DNAH11: variants seen among roughly 807,000 people sequenced by gnomAD.
DNAH11 encodes dynein axonemal heavy chain 11, also known as axonemal beta dynein heavy chain 11.
DNAH11 carries 442 observed loss-of-function variants against 526.0 expected under a neutral mutation model. The observed-to-expected ratio is 0.84, with a 90% CI of 0.78 to 0.91. DNAH11 has a LOEUF of 0.91. DNAH11 is among the 40% of genes least tolerant of loss of function. The pLI is 0.00. For synonymous variants in DNAH11, 2,461 were observed against 1,935.9 expected, an observed-to-expected ratio of 1.27 and a Z score of -7.12; for missense variants, 6,989 against 5,448.7, an observed-to-expected ratio of 1.28 and a Z score of -8.90.
At chr7:21,814,887 A>G (rs1789707160) in intron 63 of DNAH11, among the ~76,000 whole-genome samples, 2 of 152,158 alleles carry the variant, frequency 1.3e-5, no homozygotes, top group Non-Finnish European at 2.9e-5. Context: ...TTATGAAAAA[A>G]ATTCTGTATG....
intron 54 of DNAH11, among the ~76,000 whole-genome samples, chr7:21,762,631 G>A (rs985468536): frequency 5.3e-5 from 8 of 152,234 alleles, no homozygotes; most frequent in Admixed American, 6.5e-5. Context: ...CAATTATTTC[G>A]TTTGTAACTA....
intron 31 of DNAH11, among the ~76,000 whole-genome samples, chr7:21,682,691 A>G (rs749326976): frequency 6.6e-6 from 1 of 152,190 alleles, no homozygotes; most frequent in Non-Finnish European, 1.5e-5. Context: ...GTATTAAAAC[A>G]AGGCAATTCC....
chr7:21,588,688 AT>A, intron 11 of DNAH11, 52 bp downstream of exon 11: 2 of 1,583,846 alleles, frequency 1.3e-6, no homozygotes, highest in Non-Finnish European at 1.7e-6. Context: ...TACGGGTGAC[AT>A]TTTATATAAG....
At chr7:21,669,020 GAT>G (rs1562741394) in intron 30 of DNAH11, among the ~76,000 whole-genome samples, 1 of 152,126 alleles carries the variant, frequency 6.6e-6, no homozygotes, top group African/African-American at 2.4e-5. Flanking sequence ...CATTTCAGTG[GAT>G]ATAAAATAGT....
At chr7:21,615,911 T>G (rs1031201594) in intron 21 of DNAH11, among the ~76,000 whole-genome samples, 1 of 152,220 alleles carries the variant, frequency 6.6e-6, no homozygotes, top group African/African-American at 2.4e-5. Flanking sequence ...TATTTAATAA[T>G]CTACTTATCA....
chr7:21,759,491 G>A (rs954177259), intron 54 of DNAH11, among the ~76,000 whole-genome samples: 3 of 152,162 alleles, frequency 2.0e-5, no homozygotes, highest in African/African-American at 4.8e-5. Flanking sequence ...AAGTGACACC[G>A]AAGCAGTCAA....
chr7:21,574,147 A>G (rs577377067), intron 8 of DNAH11, among the ~76,000 whole-genome samples: 1 of 152,324 alleles, frequency 6.6e-6, no homozygotes, highest in Non-Finnish European at 1.5e-5. Context: ...AGTTATGGGA[A>G]GAGACTTGCT....
intron 75 of DNAH11, 132 bp from the exon 76 acceptor site, chr7:21,884,159 T>G: frequency 1.5e-6 from 1 of 686,554 alleles, no homozygotes; most frequent in Non-Finnish European, 2.1e-6. Context: ...AGACAATTTC[T>G]GAAGCACCTT....
chr7:21,788,563 C>G (rs1460261768), intron 60 of DNAH11, among the ~76,000 whole-genome samples: 1 of 152,064 alleles, frequency 6.6e-6, no homozygotes, highest in East Asian at 1.9e-4. Context: ...AATTTAATTT[C>G]CTTCCTCTCT....
rs746194866 is a variant in DNAH11, at chr7:21,601,074, G to A, written c.3320G>A (p.Ser1107Asn). Reference sequence around the variant, plus strand: ...TTTGAGGACTTTAGAGTGTTTGATAGTTGGTTCAAGGTGGACATGAAGCCT... The same window carrying A: ...TTTGAGGACTTTAGAGTGTTTGATAATTGGTTCAAGGTGGACATGAAGCCT... ...SKFEDFRVFD[S>N]WFKVDMKPFK... Residue 1107 changes from serine to asparagine, a missense_variant, in exon 17 of 82, where the codon AGT becomes AAT. Transcript: ENST00000409508. 1.9e-6 allele frequency: 3 copies of A among 1,611,720 alleles called. No individual in the cohort carries two copies. The highest frequency in any genetic ancestry group is 2.5e-6 in the Non-Finnish European group (3 of 1,179,518).
At chr7:21,794,299 T>C (rs1355400516) in intron 61 of DNAH11, among the ~76,000 whole-genome samples, 2 of 152,222 alleles carry the variant, frequency 1.3e-5, no homozygotes, top group Non-Finnish European at 2.9e-5. Context: ...TGTTTGCTGC[T>C]GTCTCTTGTG....
intron 30 of DNAH11, among the ~76,000 whole-genome samples, chr7:21,666,338 T>C (rs1273657008): frequency 6.6e-6 from 1 of 152,086 alleles, no homozygotes; most frequent in Non-Finnish European, 1.5e-5. Context: ...AAGTGTTTTG[T>C]TTTGGAGGCT....
intron 65 of DNAH11, among the ~76,000 whole-genome samples, chr7:21,828,930 G>T (rs1442814428): frequency 6.6e-6 from 1 of 151,952 alleles, no homozygotes; most frequent in Non-Finnish European, 1.5e-5. Flanking sequence ...TCTATTCAGG[G>T]TTTTCTTTCC....
chr7:21,607,631 A>G (rs1423234024), intron 20 of DNAH11, among the ~76,000 whole-genome samples: 1 of 151,672 alleles, frequency 6.6e-6, no homozygotes, highest in Admixed American at 6.6e-5. Context: ...TTCCTCTTTC[A>G]ATTAAAAAAA....
chr7:21,874,518 T>C (rs1242403261), intron 74 of DNAH11, among the ~76,000 whole-genome samples: 3 of 151,982 alleles, frequency 2.0e-5, no homozygotes, highest in Non-Finnish European at 2.9e-5. Context: ...GTATTTTTAG[T>C]AGAGACAGGG....
intron 30 of DNAH11, among the ~76,000 whole-genome samples, chr7:21,676,694 C>T (rs1385386014): frequency 6.6e-6 from 1 of 152,120 alleles, no homozygotes; most frequent in Non-Finnish European, 1.5e-5. Flanking sequence ...CAAGACAATG[C>T]GTGTGAATGC....
chr7:21,616,090 A>T, intron 21 of DNAH11, 119 bp from the exon 22 acceptor site: 1 of 754,446 alleles, frequency 1.3e-6, no homozygotes, highest in South Asian at 2.0e-5. Context: ...TTAATATTTT[A>T]AAAATTGACT....
chr7:21,735,214 A>G (rs558049609), intron 45 of DNAH11, among the ~76,000 whole-genome samples: 3 of 152,316 alleles, frequency 2.0e-5, no homozygotes, highest in African/African-American at 7.2e-5. Context: ...CCCGATTTTC[A>G]TTTGTGTGTG....
Position 21,710,537 on chromosome 7 carries a change from C to G in DNAH11, c.6684-16C>G, listed in dbSNP as rs1784420760. 1 of 1,581,070 alleles carries G rather than the reference C, an allele frequency of 6.3e-7. No individual in the cohort carries two copies. Among genetic ancestry groups the G allele is most frequent in the African/African-American group, 1.4e-5 (1 of 73,662 alleles). On this transcript the variant is annotated splice_polypyrimidine_tract_variant and intron_variant, in intron 40 of 81. Coordinates refer to ENST00000409508, the MANE Select transcript of DNAH11 (RefSeq NM_001277115.2). Reference sequence around the variant, plus strand: ...TATCGTAGAAATAAACAGCACTCAACTACATTATATATTAGGATTGTTTAC... The same window carrying G: ...TATCGTAGAAATAAACAGCACTCAAGTACATTATATATTAGGATTGTTTAC...
Sources: allele counts gnomAD v4.1 joint callset (sites outside exome capture counted in the v4.1 genomes callset), GRCh38; gene constraint gnomAD v4.1.1; transcripts MANE v1.5; gene names NCBI Gene and HGNC (gene_info 2026-07-23, HGNC 2026-07-21).